Variants in COL16A1 observed in about 807,000 individuals in gnomAD.
COL16A1 encodes collagen type XVI alpha 1 chain, also known as collagen alpha-1(XVI) chain.
A neutral mutation model predicts 266.3 loss-of-function variants in COL16A1; 189 were observed. The ratio of observed to expected loss-of-function variants is 0.71; its 90% CI spans 0.63 to 0.80. COL16A1 has a LOEUF of 0.80. Ranked by LOEUF, COL16A1 falls within the 30% of genes least tolerant of loss-of-function variation. The probability of loss-of-function intolerance (pLI) is 0.00; values close to 1 mark genes in which losing one functional copy is unlikely to be tolerated. For synonymous variants in COL16A1, 740 were observed against 782.3 expected, an observed-to-expected ratio of 0.95 and a Z score of 0.90; for missense variants, 1,928 against 2,122.4, an observed-to-expected ratio of 0.91 and a Z score of 1.80.
chr1:31,679,299 C>A, intron 42 of COL16A1: 1 of 1,083,204 alleles, frequency 9.2e-7, no homozygotes, highest in African/African-American at 1.6e-5. Context: ...TGTGCAAAAA[C>A]ACATGTTGCA....
In COL16A1 at chr1:31,692,610, C is replaced by G. The variant is rs371289633; in HGVS notation, c.1146G>C (p.Glu382Asp). Residue 382 changes from glutamate (E) to aspartate (D), a missense_variant, in exon 15 of 71, where the codon GAG becomes GAC. Coordinates refer to ENST00000373672, the MANE Select transcript of COL16A1 (RefSeq NM_001856.4). ...GTCCCACACTCACCAGAGCTCCTGA[C>G]TCCCCCTTCTCTCCCTTCGGGCCTT... ...CAEGPKGEKGESGALGPSGLP... is the reference protein window; with the variant it reads ...CAEGPKGEKGDSGALGPSGLP... 6.2e-7 allele frequency: 1 copy of G among 1,614,052 alleles called. No homozygotes were observed. The highest frequency in any genetic ancestry group is 8.5e-7 in the Non-Finnish European group (1 of 1,180,014).
intron 2 of COL16A1, among the ~76,000 whole-genome samples, chr1:31,701,145 G>A (rs1016105169): frequency 1.3e-5 from 2 of 152,124 alleles, no homozygotes; most frequent in African/African-American, 4.8e-5. Flanking sequence ...GGGGCCCGGT[G>A]CCAATGACCC....
Position 31,688,612 on chromosome 1 carries a change from C to T in COL16A1, c.1768-110G>A. The T allele has an allele frequency of 7.0e-7, 1 of 1,438,446 alleles. No homozygotes were observed. The allele number at this position is 1,438,446 out of a possible 1,614,324, so 89.1% of individuals were successfully genotyped here. The stretch of plus-strand genomic sequence containing the variant: ...CAGAACGGTAAGATAGGAATTATGT[C>T]CTTCAGGTAGCTGGACAGTTTCTTC... On this transcript the variant is annotated intron_variant, in intron 25 of 70. Coordinates refer to ENST00000373672, the MANE Select transcript of COL16A1 (RefSeq NM_001856.4). The surrounding 1 kb of genome is among the most constrained non-coding windows in gnomAD (Gnocchi z 4.9).
At chr1:31,655,076 TC>T (rs1211327793) in intron 67 of COL16A1, among the ~76,000 whole-genome samples, 1 of 149,274 alleles carries the variant, frequency 6.7e-6, no homozygotes, top group Non-Finnish European at 1.5e-5. Flanking sequence ...CTCCGTAGAT[TC>T]TCAATCCAAA....
chr1:31,671,781 G>A, intron 47 of COL16A1, 122 bp from the exon 48 acceptor site: 1 of 1,159,558 alleles, frequency 8.6e-7, no homozygotes, highest in Non-Finnish European at 1.3e-6. Context: ...TGCTGTCCAA[G>A]CAGGACCACT....
At position 31,668,769 on chromosome 1, in the gene COL16A1, A is replaced by G; in HGVS notation, c.3249+33T>C. On this transcript the variant is annotated intron_variant, in intron 50 of 70. Transcript: ENST00000373672. The surrounding 1 kb of genome is among the most constrained non-coding windows in gnomAD (Gnocchi z 5.8). The stretch of plus-strand genomic sequence containing the variant: ...CCTCCCCAGCTCTTCCTCCCTTTCC[A>G]GCCCTTTCCAGCCCCTGCCAGCTTC... 2 of 1,612,934 alleles carry G rather than the reference A, an allele frequency of 1.2e-6. No individual in the cohort carries two copies. The highest frequency in any genetic ancestry group is 1.7e-6 in the Non-Finnish European group (2 of 1,179,292).
At position 31,685,537 on chromosome 1, in the gene COL16A1, C is replaced by A; in HGVS notation, c.2016+102G>T. ...CCCCGCCACACCCTCCCCACTACCC[C>A]CAACTGCCCAGGGAGTCAAGAGACC... On this transcript the variant is annotated intron_variant, in intron 29 of 70. Coordinates refer to ENST00000373672, the MANE Select transcript of COL16A1 (RefSeq NM_001856.4). The surrounding 1 kb of genome is among the most constrained non-coding windows in gnomAD (Gnocchi z 4.0). 7.1e-7 allele frequency: 1 copy of A among 1,414,952 alleles called. No individual in the cohort carries two copies. Among genetic ancestry groups the A allele is most frequent in the Non-Finnish European group, 9.6e-7 (1 of 1,039,336 alleles). 87.6% of individuals were successfully genotyped at this position (1,414,952 alleles called of 1,614,324 possible).
chr1:31,692,103 G>A, intron 16 of COL16A1, 36 bp from the exon 17 acceptor site: 1 of 1,612,964 alleles, frequency 6.2e-7, no homozygotes, highest in Non-Finnish European at 8.5e-7. Context: ...CAGGATGAGG[G>A]AAGGGCCTGG....
In COL16A1 at chr1:31,653,624, T is replaced by C. The variant is rs1459251508; in HGVS notation, c.4587A>G (p.Gly1529=). The part of the protein sequence containing the change: ...EKGDIGIGIA[G]ENGLPGPPGP... ...CTGGGGGGCCGGGAAGACCATTTTC[T>C]CCTGCAATGCCAATACCAATGTCCC... Residue 1529 remains glycine (G), a synonymous_variant, in exon 70 of 71, where the codon GGA becomes GGG. Transcript: ENST00000373672. 2 of 1,613,934 alleles carry C rather than the reference T, an allele frequency of 1.2e-6. No homozygotes were observed. The highest frequency in any genetic ancestry group is 3.3e-5 in the Admixed American group (2 of 60,006).
rs1642515165 is a variant in COL16A1, at chr1:31,670,047, T to C, written c.3195+555A>G. 1 of 152,476 alleles carries C rather than the reference T, an allele frequency of 6.6e-6. No individual in the cohort carries two copies. Among genetic ancestry groups the C allele is most frequent in the African/African-American group, 2.4e-5 (1 of 41,458 alleles). 9.4% of individuals were successfully genotyped at this position (152,476 alleles called of 1,614,324 possible). The stretch of plus-strand genomic sequence containing the variant: ...GCAGGAAGGGCTGCCTTTAAATCCC[T>C]GGGTGCCTCTGGACAGCCCTGCCAA... On this transcript the variant is annotated intron_variant, in intron 49 of 70. Transcript: ENST00000373672. The surrounding 1 kb of genome is among the most constrained non-coding windows in gnomAD (Gnocchi z 4.5).
chr1:31,688,964 G>A lies in COL16A1; in HGVS notation c.1664C>T (p.Pro555Leu). 1 of 1,614,114 alleles carries A rather than the reference G, an allele frequency of 6.2e-7. No homozygotes were observed. Among genetic ancestry groups the A allele is most frequent in the Non-Finnish European group, 8.5e-7 (1 of 1,179,998 alleles). The change falls in exon 25 of 71, where the codon CCC becomes CTC. Residue 555 changes from proline to leucine, a missense_variant. By Grantham distance (98) the Pro-to-Leu change is moderately conservative (BLOSUM62 -3). Transcript: ENST00000373672. The surrounding 1 kb of genome is among the most constrained non-coding windows in gnomAD (Gnocchi z 4.9). ...IQGIKGEKGEPCLSCSSVVGA... is the reference protein window; with the variant it reads ...IQGIKGEKGELCLSCSSVVGA... ...TACAACCGAGCTGCAGGACAAGCAG[G>A]GCTCCCCCTGGGGAAAGAAGAGGAA...
Position 31,680,927 on chromosome 1 carries a change from T to C in COL16A1, c.2588A>G (p.Glu863Gly), listed in dbSNP as rs200335064. 1.4e-4 allele frequency: 229 copies of C among 1,614,056 alleles called. No individual in the cohort carries two copies. Among genetic ancestry groups the C allele is most frequent in the Non-Finnish European group, 1.8e-4 (215 of 1,180,014 alleles). The change falls in exon 39 of 71, where the codon GAA becomes GGA. Residue 863 changes from glutamate (E) to glycine (G), a missense_variant. Glu to Gly is a moderately conservative substitution (Grantham distance 98). Transcript: ENST00000373672. ...CACCTTCTCTCCTCGTGGTCCTTTT[T>C]CACCCTGCAGGGAAGAAACACAGGA... is the stretch of plus-strand genomic sequence containing the variant. Reference protein sequence around the residue: ...GQTGLRGTPGEKGPRGEKGEP... With the variant: ...GQTGLRGTPGGKGPRGEKGEP...
intron 68 of COL16A1, 26 bp downstream of exon 68, chr1:31,654,766 C>T (rs951988139): frequency 1.2e-6 from 2 of 1,613,872 alleles, no homozygotes; most frequent in Non-Finnish European, 1.7e-6. Context: ...ACAGCACCCA[C>T]TGCCACCCAG....
chr1:31,653,540 G>C (rs1640815921), intron 70 of COL16A1, 59 bp downstream of exon 70: 1 of 1,549,240 alleles, frequency 6.5e-7, no homozygotes, highest in African/African-American at 1.4e-5. Flanking sequence ...AGAAGAAACA[G>C]AAAGAAAAGG....
chr1:31,662,314 C>A lies in COL16A1; in HGVS notation c.3681+20G>T. On this transcript the variant is annotated intron_variant, in intron 58 of 70. Transcript: ENST00000373672. ...AAAAGGAGAGGAAGGGGTGCCCGCC[C>A]TCCCAGCCCATCATCTCACCCTCAA... 1 of 1,608,030 alleles carries A rather than the reference C, an allele frequency of 6.2e-7. No homozygotes were observed. Among genetic ancestry groups the A allele is most frequent in the Non-Finnish European group, 8.5e-7 (1 of 1,177,218 alleles).
At chr1:31,693,562 G>A (rs1644371327) in intron 12 of COL16A1, among the ~76,000 whole-genome samples, 1 of 152,174 alleles carries the variant, frequency 6.6e-6, no homozygotes, top group Non-Finnish European at 1.5e-5. Context: ...ATGTCACTCA[G>A]AGCAGGTCAT....
chr1:31,691,255 G>A, intron 19 of COL16A1, 29 bp from the exon 20 acceptor site: 1 of 1,613,128 alleles, frequency 6.2e-7, no homozygotes, highest in East Asian at 2.2e-5. Flanking sequence ...TCACGTGGAA[G>A]TTTCCAGGGA....
chr1:31,702,347 TG>T, intron 1 of COL16A1, 120 bp from the exon 2 acceptor site: 1 of 978,888 alleles, frequency 1.0e-6, no homozygotes, highest in Non-Finnish European at 1.5e-6. Flanking sequence ...GCAGGAGGTC[TG>T]GCCAGGCATC....
At chr1:31,660,768 A>T (rs1316036639) in intron 61 of COL16A1, 130 bp from the exon 62 acceptor site, 2 of 1,366,690 alleles carry the variant, frequency 1.5e-6, no homozygotes. Context: ...GCCAATTCCC[A>T]GCCTCCAGAC....
Sources: allele counts gnomAD v4.1 joint callset (sites outside exome capture counted in the v4.1 genomes callset), GRCh38; gene constraint gnomAD v4.1.1; non-coding constraint Gnocchi (gnomAD v3.1); transcripts MANE v1.5; gene names NCBI Gene and HGNC (gene_info 2026-07-23, HGNC 2026-07-21).